GON4L: variants seen among roughly 807,000 people sequenced by gnomAD.
GON4L encodes the protein gon-4 like, also known as GON-4-like protein.
A neutral mutation model predicts 211.8 loss-of-function variants in GON4L; 87 were observed. The ratio of observed to expected loss-of-function variants is 0.41; its 90% CI spans 0.35 to 0.49. GON4L has a LOEUF of 0.49. Among genes scored for constraint, GON4L ranks in the 20% least tolerant of loss-of-function variants. GON4L has a pLI of 0.15. For synonymous variants in GON4L, 875 were observed against 962.6 expected (o/e 0.91, Z 1.68); for missense variants, 2,155 against 2,659.5 (o/e 0.81, Z 4.17).
chr1:155,813,987 C>A (rs1668015627), intron 9 of GON4L, among the ~76,000 whole-genome samples, 183 bp from the exon 10 acceptor site: 1 of 152,204 alleles, frequency 6.6e-6, no homozygotes, highest in African/African-American at 2.4e-5. Flanking sequence ...TAGTTTTCAT[C>A]CTATTTCTAG....
At chr1:155,755,463 G>A (rs1206391364) in intron 27 of GON4L, among the ~76,000 whole-genome samples, 2 of 151,392 alleles carry the variant, frequency 1.3e-5, no homozygotes, top group Non-Finnish European at 2.9e-5. Context: ...CACCCACCTC[G>A]ACCTCCCAAA....
chr1:155,796,146 T>C (rs561999939), intron 11 of GON4L, among the ~76,000 whole-genome samples: 4 of 152,060 alleles, frequency 2.6e-5, no homozygotes, highest in South Asian at 4.1e-4. Context: ...AATATATACA[T>C]AATAATCATA....
At position 155,817,644 on chromosome 1, in the gene GON4L, C is replaced by T. The variant is rs114931852; in HGVS notation, c.1015-1382G>A. Reference sequence around the variant, plus strand: ...TAAGAATTAAGAAGGCCAAGTATAGCGGCTCATGCCTGTAATCCCCCCATG... The same window carrying T: ...TAAGAATTAAGAAGGCCAAGTATAGTGGCTCATGCCTGTAATCCCCCCATG... On this transcript the variant is annotated intron_variant, in intron 6 of 31. Coordinates refer to ENST00000368331, the MANE Select transcript of GON4L (RefSeq NM_001282860.2). 1.6e-3 allele frequency among the ~76,000 whole-genome samples: 247 copies of T among 152,252 alleles called. 1 individual carries two copies. Among genetic ancestry groups the T allele is most frequent in the African/African-American group, 5.7e-3 (237 of 41,544 alleles).
chr1:155,853,434 A>C lies in GON4L; in HGVS notation c.347T>G (p.Ile116Arg), dbSNP rs1179914143. The C allele has an allele frequency of 6.2e-7, 1 of 1,613,920 alleles. No homozygotes were observed. The highest frequency in any genetic ancestry group is 8.5e-7 in the Non-Finnish European group (1 of 1,180,020). The change falls in exon 2 of 32, where the codon ATA becomes AGA. Residue 116 changes from isoleucine to arginine, a missense_variant. Ile to Arg is a moderately conservative substitution (Grantham distance 97). Transcript: ENST00000368331. ...PSLESFHPLN[I>R]HIGKGKLHAT... ...GTGGAGTTTTCCTTTACCAATGTGT[A>C]TATTAAGGGGGTGAAAAGACTCCAA...
At chr1:155,821,872 G>T (rs1197808707) in intron 4 of GON4L, among the ~76,000 whole-genome samples, 1 of 152,206 alleles carries the variant, frequency 6.6e-6, no homozygotes, top group Non-Finnish European at 1.5e-5. Context: ...CAAAGGCTCT[G>T]CAAATAGCTG....
At chr1:155,789,614 A>T (rs1665316895) in intron 12 of GON4L, among the ~76,000 whole-genome samples, 1 of 152,134 alleles carries the variant, frequency 6.6e-6, no homozygotes, top group Non-Finnish European at 1.5e-5. Flanking sequence ...TGAATTTAAA[A>T]AAAAAAAGAA....
At chr1:155,816,924 A>G (rs1668302375) in intron 6 of GON4L, among the ~76,000 whole-genome samples, 1 of 152,114 alleles carries the variant, frequency 6.6e-6, no homozygotes, top group Non-Finnish European at 1.5e-5. Flanking sequence ...ATTTAGATTC[A>G]TTGTAACAAT....
intron 12 of GON4L, among the ~76,000 whole-genome samples, chr1:155,792,828 C>A (rs1332647848): frequency 6.6e-6 from 1 of 152,160 alleles, no homozygotes; most frequent in Admixed American, 6.6e-5. Context: ...GGGATCTCTG[C>A]TCGCTACAGC....
chr1:155,858,783 T>C (rs1030651639), upstream of GON4L, among the ~76,000 whole-genome samples: 14 of 149,326 alleles, frequency 9.4e-5, no homozygotes, highest in African/African-American at 3.2e-4. Flanking sequence ...CTCGGTTCAC[T>C]GCAACCTCCA....
At chr1:155,859,159 G>A (rs1672493678), upstream of GON4L, 1 of 152,336 alleles carries the variant, frequency 6.6e-6, no homozygotes, top group Admixed American at 6.6e-5. Flanking sequence ...CATAATGATG[G>A]CAGTCGATAC....
chr1:155,845,484 A>G (rs1220769877), intron 2 of GON4L: 2 of 351,666 alleles, frequency 5.7e-6, no homozygotes, highest in Non-Finnish European at 1.1e-5. Context: ...TGCATTCTTC[A>G]TGTGCTTTTG....
In GON4L at chr1:155,831,020, T is replaced by G. The variant is rs375596339; in HGVS notation, c.506-3992A>C. Among the ~76,000 whole-genome samples, 25 of 152,290 alleles carry G rather than the reference T, an allele frequency of 1.6e-4. No homozygotes were observed. The East Asian group carries it at 3.1e-3, about 19-fold the overall frequency. On this transcript the variant is annotated intron_variant, in intron 2 of 31. Transcript: ENST00000368331. ...CTTGTTTAAAAAGTAATTTGTGGGC[T>G]GGGCATGGTGGCTCATGGCTGTAAT...
At chr1:155,818,251 T>A (rs1472110648) in intron 6 of GON4L, among the ~76,000 whole-genome samples, 1 of 152,008 alleles carries the variant, frequency 6.6e-6, no homozygotes, top group Non-Finnish European at 1.5e-5. Flanking sequence ...TAGCTGGGAT[T>A]ACAGGCGCCC....
Position 155,807,730 on chromosome 1 carries a change from A to AAAAC in GON4L, c.1453-2590_1453-2589insGTTT, listed in dbSNP as rs1395575383. 7.6e-5 allele frequency among the ~76,000 whole-genome samples: 11 copies of AAAAC among 143,898 alleles called. No individual in the cohort carries two copies. In the South Asian group the frequency reaches 8.7e-4, roughly 11 times the overall value. The allele number at this position is 143,898 out of a possible 152,430, so 94.4% of individuals were successfully genotyped here. A position where few individuals can be genotyped will look rare whatever the true frequency, so the allele number is the denominator to read the frequency against. ...AAAAAAAAAAAAAAAAAAAAAGAAA[A>AAAAC]TCAGAAAGTGTGAGACCTCCATCTT... On this transcript the variant is annotated intron_variant, in intron 10 of 31. Coordinates refer to ENST00000368331, the MANE Select transcript of GON4L (RefSeq NM_001282860.2).
intron 8 of GON4L, among the ~76,000 whole-genome samples, 179 bp from the exon 9 acceptor site, chr1:155,814,628 C>A (rs1017629120): frequency 2.0e-5 from 3 of 151,756 alleles, no homozygotes; most frequent in African/African-American, 4.8e-5. Context: ...CACCTGTAAT[C>A]CCAGCTACTC....
intron 2 of GON4L, among the ~76,000 whole-genome samples, chr1:155,829,085 C>T (rs950834428): frequency 1.3e-5 from 2 of 152,092 alleles, no homozygotes; most frequent in African/African-American, 4.8e-5. Context: ...CTCACTCTGT[C>T]GCCTAGCCTG....
At chr1:155,836,020 G>A (rs894004093) in intron 2 of GON4L, among the ~76,000 whole-genome samples, 25 of 152,174 alleles carry the variant, frequency 1.6e-4, no homozygotes, top group African/African-American at 4.8e-4. Flanking sequence ...AAGGCAGGTG[G>A]ATTGCCTGAG....
intron 31 of GON4L, 145 bp downstream of exon 31, chr1:155,751,622 T>C (rs1660596217): frequency 4.7e-6 from 3 of 638,738 alleles, no homozygotes; most frequent in African/African-American, 3.6e-5. Context: ...ACTACCACCC[T>C]GATGAGTCAA....
At position 155,766,583 on chromosome 1, in the gene GON4L, C is replaced by T. The variant is rs773368222; in HGVS notation, c.2890G>A (p.Gly964Arg). The T allele has an allele frequency of 1.2e-6, 2 of 1,614,000 alleles. No homozygotes were observed. The highest frequency in any genetic ancestry group is 1.7e-6 in the Non-Finnish European group (2 of 1,180,030). Reference sequence around the variant, plus strand: ...AGCAGTGGGTACCGAGATTCACTCCCCAACTCCAAATTGTCTTTTTCTAGG... The same window carrying T: ...AGCAGTGGGTACCGAGATTCACTCCTCAACTCCAAATTGTCTTTTTCTAGG... ...RSLEKDNLEL[G>R]SESRYPLLLP... The change falls in exon 21 of 32, where the codon GGG (glycine) becomes AGG (arginine). Residue 964 changes from glycine (G) to arginine (R), a missense_variant. This residue lies in a region of GON4L where 615 missense variants were observed against 625.7 expected (regional missense o/e 0.98). Transcript: ENST00000368331.
Sources: gnomAD v4.1 joint callset for allele counts (sites outside exome capture counted in the v4.1 genomes callset) on GRCh38, gnomAD v4.1.1 for gene constraint, gnomAD v4.1.1 regional missense constraint, MANE v1.5 for transcripts, NCBI Gene and HGNC (gene_info 2026-07-23, HGNC 2026-07-21) for gene names.